Variants in SLC35F3 observed in about 807,000 individuals in gnomAD.
SLC35F3 encodes the protein solute carrier family 35 member F3.
A neutral mutation model predicts 49.9 loss-of-function variants in SLC35F3; 25 were observed. The observed-to-expected ratio is 0.50, with a 90% CI of 0.37 to 0.70. SLC35F3 has a LOEUF of 0.70. SLC35F3 is among the 30% of genes least tolerant of loss of function. The pLI, the probability that SLC35F3 is intolerant of heterozygous loss-of-function variation, is 0.00. For synonymous variants in SLC35F3, 275 were observed against 265.4 expected (o/e 1.04, Z -0.35); for missense variants, 525 against 639.8 (o/e 0.82, Z 1.94).
intron 2 of SLC35F3, among the ~76,000 whole-genome samples, chr1:234,124,422 T>G (rs987464904): frequency 6.6e-6 from 1 of 152,240 alleles, no homozygotes; most frequent in Admixed American, 6.5e-5. Context: ...AAGTCTGACT[T>G]TCTTCTTCCT....
intron 3 of SLC35F3, among the ~76,000 whole-genome samples, chr1:234,255,685 G>GATTCC (rs1667810157): frequency 6.6e-6 from 1 of 152,170 alleles, no homozygotes; most frequent in African/African-American, 2.4e-5. Flanking sequence ...TAGACTGTTT[G>GATTCC]ATTCCAGCTA....
chr1:234,270,316 A>G (rs967394065), intron 3 of SLC35F3, among the ~76,000 whole-genome samples: 8 of 152,194 alleles, frequency 5.3e-5, no homozygotes, highest in Admixed American at 4.6e-4. Flanking sequence ...TCATAAAATC[A>G]TCCTGGCTTC....
chr1:233,972,711 GC>G (rs1460486993), intron 2 of SLC35F3, among the ~76,000 whole-genome samples: 1 of 152,144 alleles, frequency 6.6e-6, no homozygotes, highest in African/African-American at 2.4e-5. Flanking sequence ...GACAACGAAG[GC>G]CTTTTTCTCA....
chr1:233,984,308 CCACGGAGTAGGA>C (rs1420784887), intron 2 of SLC35F3, among the ~76,000 whole-genome samples: 1 of 152,302 alleles, frequency 6.6e-6, no homozygotes, highest in Middle Eastern at 3.4e-3. Context: ...GTCCACTACT[CCACGGAGTAGGA>C]CCAGATATGC....
chr1:234,200,601 T>C (rs1483074468), intron 2 of SLC35F3, among the ~76,000 whole-genome samples: 2 of 152,172 alleles, frequency 1.3e-5, no homozygotes, highest in African/African-American at 4.8e-5. Flanking sequence ...TACATGGCCT[T>C]TTATTTCTTA....
At chr1:234,139,951 T>TTAAAATAA (rs1553308861) in intron 2 of SLC35F3, among the ~76,000 whole-genome samples, 2 of 90,564 alleles carry the variant, frequency 2.2e-5, no homozygotes, top group Non-Finnish European at 2.3e-5. Flanking sequence ...CATCTCAAAA[T>TTAAAATAA]AATAAAATAA....
intron 2 of SLC35F3, among the ~76,000 whole-genome samples, chr1:234,036,673 A>G (rs1166913249): frequency 7.9e-5 from 12 of 152,250 alleles, no homozygotes; most frequent in Admixed American, 7.2e-4. Context: ...CGGGAGGGAC[A>G]GTACTCTTAT....
intron 3 of SLC35F3, among the ~76,000 whole-genome samples, chr1:234,234,875 G>A (rs993364495): frequency 1.3e-5 from 2 of 152,186 alleles, no homozygotes; most frequent in African/African-American, 2.4e-5. Flanking sequence ...ATATGAAAGC[G>A]CCCTATACAC....
At chr1:234,050,642 T>C (rs1664362532) in intron 2 of SLC35F3, among the ~76,000 whole-genome samples, 1 of 152,254 alleles carries the variant, frequency 6.6e-6, no homozygotes, top group Admixed American at 6.5e-5. Flanking sequence ...TTTAGTTTAA[T>C]TAGATCCCAT....
chr1:234,108,291 A>G (rs1436485599), intron 2 of SLC35F3, among the ~76,000 whole-genome samples: 1 of 81,048 alleles, frequency 1.2e-5, no homozygotes, highest in African/African-American at 3.8e-5. Context: ...TTATTTATAT[A>G]TAAAGATATA....
intron 2 of SLC35F3, among the ~76,000 whole-genome samples, chr1:234,002,847 C>T (rs1309477571): frequency 1.3e-5 from 2 of 152,178 alleles, no homozygotes; most frequent in Non-Finnish European, 2.9e-5. Flanking sequence ...TTACTTATGT[C>T]AGTATGGACT....
At chr1:234,005,746 C>T (rs762032321) in intron 2 of SLC35F3, among the ~76,000 whole-genome samples, 6 of 152,144 alleles carry the variant, frequency 3.9e-5, no homozygotes, top group East Asian at 1.9e-4. Flanking sequence ...GTTACAGGAA[C>T]GGCTCTTGCC....
chr1:234,133,143 G>A lies in SLC35F3; in HGVS notation c.284-98274G>A, dbSNP rs143623217. Reference sequence around the variant, plus strand: ...TCTCTCCTTCAGTTTTTTTCTTTTTGGTGGGGAGTGTCTTTTCAAAGAATT... The same window carrying A: ...TCTCTCCTTCAGTTTTTTTCTTTTTAGTGGGGAGTGTCTTTTCAAAGAATT... On this transcript the variant is annotated intron_variant, in intron 2 of 7. Transcript: ENST00000366618. Among the ~76,000 whole-genome samples the A allele has an allele frequency of 9.7e-4, 148 of 152,026 alleles. 2 individuals are homozygous for A. The highest frequency in any genetic ancestry group is 3.2e-3 in the African/African-American group (133 of 41,442).
intron 2 of SLC35F3, among the ~76,000 whole-genome samples, chr1:234,008,139 G>A (rs12405038): frequency 0.06 from 8,439 of 140,696 alleles, 613 homozygotes; most frequent in East Asian, 0.33. Context: ...CTCGTTCCTT[G>A]TCTTCTCTCA....
intron 2 of SLC35F3, among the ~76,000 whole-genome samples, chr1:234,020,284 T>C (rs1208222604): frequency 6.6e-6 from 1 of 152,254 alleles, no homozygotes; most frequent in Non-Finnish European, 1.5e-5. Context: ...ATATTTCATG[T>C]GCCTCTATAG....
chr1:234,255,488 A>G (rs1243558164), intron 3 of SLC35F3, among the ~76,000 whole-genome samples: 1 of 152,248 alleles, frequency 6.6e-6, no homozygotes, highest in Non-Finnish European at 1.5e-5. Flanking sequence ...AGATCCAGCA[A>G]TTGTGCTTTT....
chr1:233,986,262 C>A (rs1663264822), intron 2 of SLC35F3, among the ~76,000 whole-genome samples: 1 of 151,732 alleles, frequency 6.6e-6, no homozygotes, highest in Non-Finnish European at 1.5e-5. Flanking sequence ...TTAAAATTTT[C>A]AAATAATTCT....
At chr1:234,230,355 T>C (rs1332056903) in intron 2 of SLC35F3, among the ~76,000 whole-genome samples, 1 of 152,174 alleles carries the variant, frequency 6.6e-6, no homozygotes, top group African/African-American at 2.4e-5. Context: ...TTAAGCAATG[T>C]AGAGAAAGCA....
intron 3 of SLC35F3, among the ~76,000 whole-genome samples, chr1:234,279,692 C>A (rs1256804246): frequency 6.6e-6 from 1 of 152,164 alleles, no homozygotes; most frequent in Non-Finnish European, 1.5e-5. Flanking sequence ...TACCAGGCTG[C>A]CTGTGGAGTG....
Sources: gnomAD v4.1 joint callset for allele counts (sites outside exome capture counted in the v4.1 genomes callset) on GRCh38, gnomAD v4.1.1 for gene constraint, MANE v1.5 for transcripts, NCBI Gene and HGNC (gene_info 2026-07-23, HGNC 2026-07-21) for gene names.